PLPP4: variants seen among roughly 807,000 people sequenced by gnomAD.
PLPP4 encodes phospholipid phosphatase 4, also known as diacylglycerol pyrophosphate like 2.
In PLPP4, 20 loss-of-function variants were observed where a neutral mutation model predicts 32.2. The ratio of observed to expected loss-of-function variants is 0.62; its 90% CI spans 0.44 to 0.90. PLPP4 has a LOEUF of 0.90. PLPP4 is among the 40% of genes least tolerant of loss of function. The pLI, the probability that PLPP4 is intolerant of heterozygous loss-of-function variation, is 0.00. For synonymous variants in PLPP4, 127 were observed against 133.0 expected (o/e 0.95, Z 0.31); for missense variants, 257 against 353.1 (o/e 0.73, Z 2.18).
At chr10:120,538,036 C>CTGTG (rs1406049216) in intron 5 of PLPP4, among the ~76,000 whole-genome samples, 3 of 55,972 alleles carry the variant, frequency 5.4e-5, no homozygotes, top group African/African-American at 1.2e-4. Context: ...CTCTCTCTCT[C>CTGTG]TCTCTCTCTC....
chr10:120,457,413 A>G, intron 1 of PLPP4, 52 bp downstream of exon 1: 1 of 1,484,898 alleles, frequency 6.7e-7, no homozygotes, highest in Non-Finnish European at 9.1e-7. Context: ...GGAACAACCG[A>G]CCAAGCCTCT....
chr10:120,568,628 C>G (rs1848792971), intron 5 of PLPP4, among the ~76,000 whole-genome samples: 1 of 152,190 alleles, frequency 6.6e-6, no homozygotes, highest in South Asian at 2.1e-4. Flanking sequence ...AAAATATCAT[C>G]TTTATTTCAA....
intron 1 of PLPP4, among the ~76,000 whole-genome samples, chr10:120,500,261 G>A (rs1393221412): frequency 3.3e-5 from 5 of 152,312 alleles, no homozygotes; most frequent in African/African-American, 9.6e-5. Flanking sequence ...AAGGTGCTCT[G>A]TGGTGTACCT....
chr10:120,471,910 T>C (rs1848533809), intron 1 of PLPP4, among the ~76,000 whole-genome samples: 1 of 152,034 alleles, frequency 6.6e-6, no homozygotes, highest in Non-Finnish European at 1.5e-5. Context: ...TTTTAGTAGT[T>C]TATTTCACAA....
rs958212374 is a variant in PLPP4 at position 120,575,438 on chromosome 10, G to A, written c.616+137G>A. ...CAGAGGAGGCTGAAATGACAGAGCG[G>A]ATAAAATTTTGAAGCAAATATGCTG... On this transcript the variant is annotated intron_variant, in intron 6 of 6. Coordinates refer to ENST00000398250, the MANE Select transcript of PLPP4 (RefSeq NM_001030059.3). The A allele has an allele frequency of 6.3e-6, 6 of 949,498 alleles. No homozygotes were observed. The Admixed American group carries it at 1.1e-4, about 18-fold the overall frequency. 58.8% of individuals were successfully genotyped at this position (949,498 alleles called of 1,614,324 possible). A position where few individuals can be genotyped will look rare whatever the true frequency, so the allele number is the denominator to read the frequency against.
chr10:120,495,625 A>C (rs1215483234), intron 1 of PLPP4, among the ~76,000 whole-genome samples: 3 of 152,138 alleles, frequency 2.0e-5, no homozygotes, highest in Admixed American at 2.0e-4. Context: ...ATGTGTCTTC[A>C]AGTGTTACTA....
Position 120,457,271 on chromosome 10 carries a change from C to G in PLPP4, c.-35C>G, listed in dbSNP as rs1335180767. On this transcript the variant is annotated 5_prime_UTR_variant, in exon 1 of 7. Transcript: ENST00000398250. ...CGAGCTGCGGGAGCCGCGGAGAGCA[C>G]CAGCTGACGCCGCGGGAGCTGCTCC... 3 of 1,468,060 alleles carry G rather than the reference C, an allele frequency of 2.0e-6. No individual in the cohort carries two copies. Among genetic ancestry groups the G allele is most frequent in the East Asian group, 5.9e-5 (2 of 33,766 alleles). The allele number at this position is 1,468,060 out of a possible 1,614,324, so 90.9% of individuals were successfully genotyped here.
At position 120,574,164 on chromosome 10, in the gene PLPP4, ACACACTCTCTCTCTCTCTCTCTCT is replaced by A. The variant is rs1454133831; in HGVS notation, c.446-965_446-942del. Reference sequence around the variant, plus strand: ...CACACACACACACACACACACACACACACACTCTCTCTCTCTCTCTCTCTCTCTCTCTCTCTCTCTCTCTCTCTC... The same window carrying A: ...CACACACACACACACACACACACACACTCTCTCTCTCTCTCTCTCTCTCTC... On this transcript the variant is annotated intron_variant, in intron 5 of 6. Transcript: ENST00000398250. Among the ~76,000 whole-genome samples the A allele has an allele frequency of 8.6e-4, 58 of 67,690 alleles. 1 individual carries two copies. Among genetic ancestry groups the A allele is most frequent in the Middle Eastern group, 8.5e-3 (1 of 118 alleles). The allele number at this position is 67,690 out of a possible 152,430, so 44.4% of individuals were successfully genotyped here. A position where few individuals can be genotyped will look rare whatever the true frequency, so the allele number is the denominator to read the frequency against.
At position 120,531,766 on chromosome 10, in the gene PLPP4, A is replaced by G. The variant is rs150808119; in HGVS notation, c.445+10671A>G. Among the ~76,000 whole-genome samples, 508 of 152,176 alleles carry G rather than the reference A, an allele frequency of 3.3e-3. 2 individuals are homozygous for G. Among genetic ancestry groups the G allele is most frequent in the African/African-American group, 0.012 (480 of 41,508 alleles). On this transcript the variant is annotated intron_variant, in intron 5 of 6. Transcript: ENST00000398250. ...ATTTGGATCTACTTCTGTACTCTGC[A>G]TACAATTCATTAATCTGTGTTCCTA...
chr10:120,490,586 A>G (rs1448619584), intron 1 of PLPP4, among the ~76,000 whole-genome samples: 1 of 152,174 alleles, frequency 6.6e-6, no homozygotes, highest in Non-Finnish European at 1.5e-5. Flanking sequence ...CATGGGCTGT[A>G]TTTGTGGCTG....
intron 5 of PLPP4, among the ~76,000 whole-genome samples, chr10:120,537,992 TTCTCTCTCTC>T (rs1158226991): frequency 0.032 from 596 of 18,868 alleles, 78 homozygotes; most frequent in South Asian, 0.069. Context: ...ACCAGGCCCT[TTCTCTCTCTC>T]TCTCTCTCTC....
chr10:120,551,132 C>T (rs949130966), intron 5 of PLPP4, among the ~76,000 whole-genome samples: 1 of 152,098 alleles, frequency 6.6e-6, no homozygotes, highest in Non-Finnish European at 1.5e-5. Flanking sequence ...GATCAGTAAG[C>T]ACATGAAAAG....
chr10:120,570,999 TAAAGA>T (rs1388023402), intron 5 of PLPP4, among the ~76,000 whole-genome samples: 1 of 151,878 alleles, frequency 6.6e-6, no homozygotes, highest in Admixed American at 6.6e-5. Flanking sequence ...CTGCTACAAA[TAAAGA>T]AAACCTACTA....
chr10:120,506,078 T>G (rs796359132), intron 2 of PLPP4, among the ~76,000 whole-genome samples: 19 of 152,356 alleles, frequency 1.2e-4, no homozygotes, highest in African/African-American at 4.6e-4. Flanking sequence ...GCAATTTGCA[T>G]GCTGGCGGTG....
chr10:120,474,586 T>C (rs990823040), intron 1 of PLPP4, among the ~76,000 whole-genome samples: 6 of 152,208 alleles, frequency 3.9e-5, no homozygotes, highest in African/African-American at 1.4e-4. Context: ...AGTCATATAA[T>C]GAGAACATAT....
intron 5 of PLPP4, among the ~76,000 whole-genome samples, chr10:120,563,765 A>AGTCCGCT: frequency 9.1e-6 from 1 of 110,194 alleles, no homozygotes; most frequent in Non-Finnish European, 1.8e-5. Context: ...GCGCCACTGC[A>AGTCCGCT]GTCCGCAGTC....
intron 5 of PLPP4, among the ~76,000 whole-genome samples, chr10:120,548,300 G>A (rs924852112): frequency 6.6e-6 from 1 of 151,968 alleles, no homozygotes; most frequent in Non-Finnish European, 1.5e-5. Flanking sequence ...TCAGTGTTTG[G>A]CTCCCAGTTA....
intron 1 of PLPP4, among the ~76,000 whole-genome samples, chr10:120,473,289 TG>T (rs1208626773): frequency 6.6e-6 from 1 of 152,216 alleles, no homozygotes; most frequent in African/African-American, 2.4e-5. Flanking sequence ...AGGCTATTGT[TG>T]GGCAAATCTA....
At chr10:120,515,230 A>T (rs1845888967) in intron 3 of PLPP4, among the ~76,000 whole-genome samples, 1 of 152,156 alleles carries the variant, frequency 6.6e-6, no homozygotes, top group South Asian at 2.1e-4. Flanking sequence ...GTTCAGAGGC[A>T]CCTCACAGGG....
Sources: gnomAD v4.1 joint callset for allele counts (sites outside exome capture counted in the v4.1 genomes callset) on GRCh38, gnomAD v4.1.1 for gene constraint, MANE v1.5 for transcripts, NCBI Gene and HGNC (gene_info 2026-07-23, HGNC 2026-07-21) for gene names.